Variants in ATP13A5 observed in about 807,000 individuals in gnomAD.
ATP13A5 encodes probable cation-transporting ATPase 13A5.
Under a neutral mutation model 150.2 loss-of-function variants are expected in ATP13A5, and 149 were observed. The observed-to-expected ratio is 0.99, with a 90% confidence interval of 0.87 to 1.14. The LOEUF is 1.14. Ranked by LOEUF, ATP13A5 falls within the 50% of genes most tolerant of loss-of-function variation. ATP13A5 has a pLI of 0.00. For synonymous variants in ATP13A5, 497 were observed against 522.2 expected, an observed-to-expected ratio of 0.95 and a Z score of 0.66; for missense variants, 1,383 against 1,449.3, an observed-to-expected ratio of 0.95 and a Z score of 0.74.
intron 1 of ATP13A5, among the ~76,000 whole-genome samples, chr3:193,367,168 A>C (rs1408814028): frequency 1.3e-5 from 2 of 152,040 alleles, no homozygotes; most frequent in Non-Finnish European, 2.9e-5. Context: ...ATTAAACCCC[A>C]AAAAAGTAAG....
At chr3:193,359,359 G>T (rs138766590) in intron 5 of ATP13A5, among the ~76,000 whole-genome samples, 1 of 152,198 alleles carries the variant, frequency 6.6e-6, no homozygotes, top group Non-Finnish European at 1.5e-5. Flanking sequence ...AGAGAGTAGG[G>T]TCTCACAGCA....
intron 5 of ATP13A5, among the ~76,000 whole-genome samples, chr3:193,361,721 T>G (rs1374872741): frequency 6.6e-6 from 1 of 152,220 alleles, no homozygotes; most frequent in Non-Finnish European, 1.5e-5. Flanking sequence ...CTAATTTATG[T>G]GCATCTATAG....
chr3:193,318,662 G>C (rs1390369323), intron 17 of ATP13A5, among the ~76,000 whole-genome samples: 1 of 152,134 alleles, frequency 6.6e-6, no homozygotes, highest in Non-Finnish European at 1.5e-5. Context: ...AATGCTCTGA[G>C]GTTGAAGGAG....
At chr3:193,301,978 C>T (rs7641152) in intron 23 of ATP13A5, among the ~76,000 whole-genome samples, 60,575 of 151,926 alleles carry the variant, frequency 0.4, 12,866 homozygotes, top group East Asian at 0.62. Context: ...TAGCTATTAA[C>T]GCAGTAACAG....
chr3:193,285,201 A>C, intron 26 of ATP13A5, 85 bp from the exon 27 acceptor site: 1 of 1,134,566 alleles, frequency 8.8e-7, no homozygotes. Context: ...AATCACTACC[A>C]TGGGATTTTA....
chr3:193,347,528 T>TC (rs1712393048), intron 7 of ATP13A5, among the ~76,000 whole-genome samples: 2 of 148,698 alleles, frequency 1.3e-5, no homozygotes, highest in African/African-American at 5.0e-5. Context: ...AGATTTCTTT[T>TC]TTTTTTGCTT....
intron 27 of ATP13A5, among the ~76,000 whole-genome samples, chr3:193,280,453 A>G (rs73888237): frequency 0.051 from 7,841 of 152,294 alleles, 245 homozygotes; most frequent in South Asian, 0.11. Context: ...TCTGCTTTGC[A>G]TGATCTTAAT....
chr3:193,325,092 G>T, intron 13 of ATP13A5, 78 bp from the exon 14 acceptor site: 8 of 1,424,282 alleles, frequency 5.6e-6, no homozygotes, highest in Non-Finnish European at 7.7e-6. Context: ...CTAAAGTGGA[G>T]CTCCAAACAC....
At chr3:193,373,256 G>A (rs1215758647) in intron 1 of ATP13A5, among the ~76,000 whole-genome samples, 1 of 152,016 alleles carries the variant, frequency 6.6e-6, no homozygotes, top group African/African-American at 2.4e-5. Context: ...TCCTGCCTTA[G>A]CCTCCCAAGT....
chr3:193,362,125 AAAC>A (rs770225364), intron 5 of ATP13A5, among the ~76,000 whole-genome samples: 2 of 152,232 alleles, frequency 1.3e-5, no homozygotes, highest in Non-Finnish European at 2.9e-5. Context: ...AAAAATAAAA[AAAC>A]AACACAAAGA....
At chr3:193,348,756 T>G (rs1238156002) in intron 7 of ATP13A5, among the ~76,000 whole-genome samples, 1 of 152,196 alleles carries the variant, frequency 6.6e-6, no homozygotes. Flanking sequence ...ACAGAATGAT[T>G]TGGAGATAGC....
intron 17 of ATP13A5, among the ~76,000 whole-genome samples, chr3:193,315,510 T>C (rs1719016023): frequency 6.6e-6 from 1 of 152,220 alleles, no homozygotes; most frequent in South Asian, 2.1e-4. Context: ...ATAGTAGTAG[T>C]TGAATACAGT....
chr3:193,304,343 A>G (rs554887645), intron 23 of ATP13A5, among the ~76,000 whole-genome samples: 1 of 152,212 alleles, frequency 6.6e-6, no homozygotes, highest in African/African-American at 2.4e-5. Context: ...ACACGTGCAG[A>G]CACCCAGTGT....
At chr3:193,365,500 T>C (rs1713205795) in intron 1 of ATP13A5, among the ~76,000 whole-genome samples, 1 of 152,180 alleles carries the variant, frequency 6.6e-6, no homozygotes, top group Non-Finnish European at 1.5e-5. Flanking sequence ...TTCTCCTCTT[T>C]CTCTTTCTGT....
intron 1 of ATP13A5, among the ~76,000 whole-genome samples, chr3:193,368,416 G>GTGTGTGTGTC (rs1483186245): frequency 6.6e-6 from 1 of 151,526 alleles, no homozygotes. Flanking sequence ...GTGTGTGTGT[G>GTGTGTGTGTC]TGTGTGGTAA....
intron 13 of ATP13A5, 127 bp downstream of exon 13, chr3:193,326,869 A>G: frequency 1.3e-6 from 1 of 786,014 alleles, no homozygotes; most frequent in Non-Finnish European, 2.1e-6. Context: ...ATAATTAGGA[A>G]CTAGTTCCAG....
At chr3:193,308,978 G>A (rs1214764637) in intron 21 of ATP13A5, among the ~76,000 whole-genome samples, 1 of 152,142 alleles carries the variant, frequency 6.6e-6, no homozygotes, top group Admixed American at 6.5e-5. Flanking sequence ...ACTTCCCTAT[G>A]AATGCTTGGG....
intron 28 of ATP13A5, among the ~76,000 whole-genome samples, chr3:193,279,014 C>T (rs1717357429): frequency 6.6e-6 from 1 of 152,046 alleles, no homozygotes; most frequent in South Asian, 2.1e-4. Context: ...TTTATAACTA[C>T]TTTATAAAGG....
chr3:193,355,923 G>A (rs1259878409), intron 5 of ATP13A5, among the ~76,000 whole-genome samples: 2 of 152,096 alleles, frequency 1.3e-5, no homozygotes, highest in Admixed American at 6.5e-5. Flanking sequence ...AGCCAGATCC[G>A]ACAATCAAGC....
Sources: allele counts gnomAD v4.1 joint callset (sites outside exome capture counted in the v4.1 genomes callset), GRCh38; gene constraint gnomAD v4.1.1; transcripts MANE v1.5; gene names NCBI Gene and HGNC (gene_info 2026-07-23, HGNC 2026-07-21).